Variants in ITPR3 observed in about 807,000 individuals in gnomAD.
The protein encoded by ITPR3 is inositol 1,4,5-trisphosphate receptor type 3, also known as inositol 1,4,5-trisphosphate-gated calcium channel ITPR3.
In ITPR3, 173 loss-of-function variants were observed where a neutral mutation model predicts 293.2. The observed-to-expected ratio is 0.59, with a 90% CI of 0.52 to 0.67. The LOEUF (loss-of-function observed/expected upper bound fraction) is 0.67. ITPR3 is among the 30% of genes least tolerant of loss of function. The probability of loss-of-function intolerance (pLI) is 0.00; values close to 1 mark genes in which losing one functional copy is unlikely to be tolerated. For missense variants in ITPR3, 2,796 were observed against 3,592.1 expected, an observed-to-expected ratio of 0.78 and a Z score of 5.66; for synonymous variants, 1,295 against 1,444.4, an observed-to-expected ratio of 0.90 and a Z score of 2.35.
rs1582135463 is a variant in ITPR3, at chr6:33,665,905, C to G, written c.1480C>G (p.Leu494Val). 4 of 1,614,226 alleles carry G rather than the reference C, an allele frequency of 2.5e-6. No individual in the cohort carries two copies. Among genetic ancestry groups the G allele is most frequent in the Non-Finnish European group, 3.4e-6 (4 of 1,180,042 alleles). The stretch of plus-strand genomic sequence containing the variant: ...TGTCCCCAACAATGGGCAGAATGTC[C>G]TGGACATCATGGTCACTAAGCCCAA... ...SDVPNNGQNV[L>V]DIMVTKPNRE... The change falls in exon 14 of 58, where the codon CTG becomes GTG. Residue 494 changes from leucine to valine, a missense_variant. Leu to Val is a conservative substitution (Grantham distance 32, BLOSUM62 1). This residue lies in a region of ITPR3 where 955 missense variants were observed against 1,180.8 expected (regional missense o/e 0.81). Coordinates refer to ENST00000605930, the MANE Select transcript of ITPR3 (RefSeq NM_002224.4).
At chr6:33,688,453 G>T in intron 48 of ITPR3, 22 bp downstream of exon 48, 1 of 1,458,296 alleles carries the variant, frequency 6.9e-7, no homozygotes, top group Non-Finnish European at 9.2e-7. Context: ...CGGGCGGGAG[G>T]GTGGGGCGGT....
intron 1 of ITPR3, among the ~76,000 whole-genome samples, chr6:33,623,172 G>A (rs1301812016): frequency 6.6e-6 from 1 of 152,022 alleles, no homozygotes; most frequent in Non-Finnish European, 1.5e-5. Flanking sequence ...AGGAGGAGAG[G>A]GTGTGGGGAC....
In ITPR3 at chr6:33,663,565, A is replaced by C. The variant is rs1015591845; in HGVS notation, c.1005+15A>C. 12 of 1,604,060 alleles carry C rather than the reference A, an allele frequency of 7.5e-6. No homozygotes were observed. The highest frequency in any genetic ancestry group is 1.7e-5 in the Admixed American group (1 of 58,402). On this transcript the variant is annotated intron_variant, in intron 10 of 57. Transcript: ENST00000605930. ...CAGCAGGAATGGTGAGGAGCAAAGCAGGTCTCCAGTGAGACCATGGGCCTG... is the reference window on the plus strand; with the variant it reads ...CAGCAGGAATGGTGAGGAGCAAAGCCGGTCTCCAGTGAGACCATGGGCCTG...
At chr6:33,637,787 A>T (rs570042206) in intron 1 of ITPR3, among the ~76,000 whole-genome samples, 1 of 146,956 alleles carries the variant, frequency 6.8e-6, no homozygotes, top group Admixed American at 6.8e-5. Context: ...GTGTGCCACC[A>T]CACCCGGCTA....
intron 7 of ITPR3, among the ~76,000 whole-genome samples, chr6:33,660,484 G>A (rs962122851): frequency 1.3e-5 from 2 of 151,764 alleles, no homozygotes; most frequent in Non-Finnish European, 2.9e-5. Context: ...GCTGCTTCCC[G>A]TCTACCCATG....
chr6:33,658,125 C>T lies in ITPR3; in HGVS notation c.369+107C>T. 1.0e-6 allele frequency: 1 copy of T among 954,984 alleles called. No individual in the cohort carries two copies. The highest frequency in any genetic ancestry group is 1.6e-6 in the Non-Finnish European group (1 of 608,884). The allele number at this position is 954,984 out of a possible 1,614,324, so 59.2% of individuals were successfully genotyped here. On this transcript the variant is annotated intron_variant, in intron 4 of 57. Transcript: ENST00000605930. This position sits in a 1 kb window ranked among gnomAD's most constrained non-coding sequence, Gnocchi z 6.1. ...GGCATTGCCCTCTGTGCATGTGTGT[C>T]CCCGGGTGAATGAGTGGCCCTGGGG...
Position 33,683,540 on chromosome 6 carries a change from CACTCTGGGGCTGCTA to C in ITPR3, c.4788+145_4788+159del, listed in dbSNP as rs1765139266. On this transcript the variant is annotated intron_variant, in intron 35 of 57. Transcript: ENST00000605930. The surrounding 1 kb of genome is among the most constrained non-coding windows in gnomAD (Gnocchi z 4.5). ...AGGAAGGGGCTGGTTGGCTTCTCTA[CACTCTGGGGCTGCTA>C]AGGGCCGACCCAGCAGCAAGGGACT... is the stretch of plus-strand genomic sequence containing the variant. 5.4e-6 allele frequency: 4 copies of C among 740,972 alleles called. No individual in the cohort carries two copies. Among genetic ancestry groups the C allele is most frequent in the Non-Finnish European group, 8.4e-6 (4 of 478,600 alleles). 45.9% of individuals were successfully genotyped at this position (740,972 alleles called of 1,614,324 possible).
chr6:33,681,589 A>C (rs1765078885), intron 33 of ITPR3, among the ~76,000 whole-genome samples: 1 of 152,168 alleles, frequency 6.6e-6, no homozygotes. Flanking sequence ...CCCTTAAGGA[A>C]GGGCCCTGCT....
Position 33,691,494 on chromosome 6 carries a change from A to G in ITPR3, c.7226-121A>G, listed in dbSNP as rs1765388434. The G allele has an allele frequency of 5.1e-6, 4 of 777,970 alleles. No homozygotes were observed. The highest frequency in any genetic ancestry group is 6.4e-6 in the Non-Finnish European group (3 of 469,948). The allele number at this position is 777,970 out of a possible 1,614,324, so 48.2% of individuals were successfully genotyped here. On this transcript the variant is annotated intron_variant, in intron 52 of 57. Transcript: ENST00000605930. The surrounding 1 kb of genome is among the most constrained non-coding windows in gnomAD (Gnocchi z 4.9). ...TGATGACCCTTCACTGTGGCTGGAC[A>G]GTGGAGGGCTGGCGATCCAGGACCA...
rs1212833622 is a variant in ITPR3, at chr6:33,667,780, C to T, written c.1714-12C>T. ...TGACTCTCTGTGACCCCCAGCCTGT[C>T]TGCCCCCCCAGGAGCACATTGCCAA... On this transcript the variant is annotated splice_polypyrimidine_tract_variant and intron_variant, in intron 15 of 57. Coordinates refer to ENST00000605930, the MANE Select transcript of ITPR3 (RefSeq NM_002224.4). This position sits in a 1 kb window ranked among gnomAD's most constrained non-coding sequence, Gnocchi z 4.4. The T allele has an allele frequency of 1.2e-6, 2 of 1,613,704 alleles. No individual in the cohort carries two copies. The highest frequency in any genetic ancestry group is 1.1e-5 in the South Asian group (1 of 91,050).
chr6:33,659,130 G>C lies in ITPR3; in HGVS notation c.627+11G>C, dbSNP rs554562975. On this transcript the variant is annotated intron_variant, in intron 6 of 57. Transcript: ENST00000605930. ...GCCGGCTGCAAGGAGGTGAGGGGGT[G>C]GGGGGTCAGCCATGCAGTGCAGGGA... is the stretch of plus-strand genomic sequence containing the variant. The C allele has an allele frequency of 1.2e-6, 2 of 1,608,970 alleles. No homozygotes were observed. Among genetic ancestry groups the C allele is most frequent in the East Asian group, 2.2e-5 (1 of 44,868 alleles).
rs1554139233 is a variant in ITPR3 at position 33,683,382 on chromosome 6, CATT to C, written c.4774_4776del (p.Ile1592del). The C allele has an allele frequency of 2.5e-6, 4 of 1,576,148 alleles. No homozygotes were observed. Among genetic ancestry groups the C allele is most frequent in the Non-Finnish European group, 3.5e-6 (4 of 1,158,258 alleles). ...CCAACCAGTGGGACTACAAGAACAT[CATT>C]GAGAAGCTGCAGGTGGGTGTGGGGC... On this transcript the variant is annotated inframe_deletion, in exon 35 of 58. Coordinates refer to ENST00000605930, the MANE Select transcript of ITPR3 (RefSeq NM_002224.4). The surrounding 1 kb of genome is among the most constrained non-coding windows in gnomAD (Gnocchi z 4.5).
chr6:33,667,336 C>A lies in ITPR3; in HGVS notation c.1713+46C>A. The A allele has an allele frequency of 6.3e-7, 1 of 1,581,126 alleles. No individual in the cohort carries two copies. The highest frequency in any genetic ancestry group is 8.6e-7 in the Non-Finnish European group (1 of 1,163,268). On this transcript the variant is annotated intron_variant, in intron 15 of 57. Coordinates refer to ENST00000605930, the MANE Select transcript of ITPR3 (RefSeq NM_002224.4). This position sits in a 1 kb window ranked among gnomAD's most constrained non-coding sequence, Gnocchi z 4.4. ...CCCACTCGCTGGCTGCACGTTCCTTCCTCAGCAAGCGATTTCCTCAGGCAC... is the reference window on the plus strand; with the variant it reads ...CCCACTCGCTGGCTGCACGTTCCTTACTCAGCAAGCGATTTCCTCAGGCAC...
rs767580472 is a variant in ITPR3 at position 33,689,290 on chromosome 6, C to A, written c.6747C>A (p.Phe2249Leu). The A allele has an allele frequency of 1.1e-5, 18 of 1,612,352 alleles. No individual in the cohort carries two copies. The highest frequency in any genetic ancestry group is 1.4e-5 in the Non-Finnish European group (17 of 1,180,020). The change falls in exon 50 of 58, where the codon TTC (phenylalanine) becomes TTA (leucine). Residue 2249 changes from phenylalanine (F) to leucine (L), a missense_variant. Phe to Leu is a conservative substitution (Grantham distance 22). Around this residue, in one of 8 missense-constraint regions of ITPR3, gnomAD observed 568 missense variants for 796.1 expected, o/e 0.71. Transcript: ENST00000605930. ...TGCTCTTCTGGATCCTCATCTGCTT[C>A]TCCATCGCGGCCCTGTTCACCAAGC... ...ISLLFWILIC[F>L]SIAALFTKRY...
chr6:33,663,453 A>G (rs561440545), intron 9 of ITPR3, 47 bp from the exon 10 acceptor site: 53 of 1,544,152 alleles, frequency 3.4e-5, no homozygotes, highest in Middle Eastern at 1.7e-4. Context: ...TCGTGTGGGT[A>G]TAGTTTGGTG....
At chr6:33,645,071 G>A (rs1582112725) in intron 2 of ITPR3, among the ~76,000 whole-genome samples, 1 of 151,054 alleles carries the variant, frequency 6.6e-6, no homozygotes, top group African/African-American at 2.4e-5. Flanking sequence ...AGTGGCTCAC[G>A]CCTATAATCC....
chr6:33,677,124 C>A, intron 27 of ITPR3, 35 bp downstream of exon 27: 1 of 1,590,858 alleles, frequency 6.3e-7, no homozygotes, highest in Non-Finnish European at 8.6e-7. Flanking sequence ...TAGGGATCTG[C>A]AGCCCCAGTG....
rs1554137405 is a variant in ITPR3, at chr6:33,666,609, T to TG, written c.1552-520_1552-519insG. ...CAGAATGTCTTTGTAAAGTTTGTTTTTTTTTTTTTAGAAACGAGGATCCAA... is the reference window on the plus strand; with the variant it reads ...CAGAATGTCTTTGTAAAGTTTGTTTTGTTTTTTTTTAGAAACGAGGATCCAA... On this transcript the variant is annotated intron_variant, in intron 14 of 57. Transcript: ENST00000605930. The surrounding 1 kb of genome is among the most constrained non-coding windows in gnomAD (Gnocchi z 5.1). 2.0e-5 allele frequency among the ~76,000 whole-genome samples: 3 copies of TG among 152,166 alleles called. No individual in the cohort carries two copies. Among genetic ancestry groups the TG allele is most frequent in the Admixed American group, 1.3e-4 (2 of 15,292 alleles).
In ITPR3 at chr6:33,688,750, C is replaced by A. The variant is rs1414086971; in HGVS notation, c.6663C>A (p.Phe2221Leu). ...LAVFINIIIAFFYPYMEGAST... is the reference protein window; with the variant it reads ...LAVFINIIIALFYPYMEGAST... Reference sequence around the variant, plus strand: ...TGTTTATCAACATCATCATTGCCTTCTTCTACCCTTACATGGAGGGCGCGT... The same window carrying A: ...TGTTTATCAACATCATCATTGCCTTATTCTACCCTTACATGGAGGGCGCGT... Residue 2221 changes from phenylalanine to leucine, a missense_variant, in exon 49 of 58, where the codon TTC (phenylalanine) becomes TTA (leucine). By Grantham distance (22) the Phe-to-Leu change is conservative. Transcript: ENST00000605930. 6.2e-7 allele frequency: 1 copy of A among 1,614,224 alleles called. No individual in the cohort carries two copies. The highest frequency in any genetic ancestry group is 8.5e-7 in the Non-Finnish European group (1 of 1,180,030).
Sources: allele counts gnomAD v4.1 joint callset (sites outside exome capture counted in the v4.1 genomes callset), GRCh38; gene constraint gnomAD v4.1.1; regional missense constraint gnomAD v4.1.1; non-coding constraint Gnocchi (gnomAD v3.1); transcripts MANE v1.5; gene names NCBI Gene and HGNC (gene_info 2026-07-23, HGNC 2026-07-21).